Variants in DNM3 observed in about 807,000 individuals in gnomAD.
The protein encoded by DNM3 is dynamin 3.
Under a neutral mutation model 101.6 loss-of-function variants are expected in DNM3, and 47 were observed. The ratio of observed to expected loss-of-function variants is 0.46; its 90% CI spans 0.37 to 0.59. DNM3 has a LOEUF of 0.59. Ranked by LOEUF, DNM3 falls within the 20% of genes least tolerant of loss-of-function variation. The pLI is 0.00. For missense variants in DNM3, 849 were observed against 1,085.7 expected (o/e 0.78, Z 3.06); for synonymous variants, 385 against 387.9 (o/e 0.99, Z 0.09).
chr1:172,199,936 GA>G (rs143199495), intron 14 of DNM3, among the ~76,000 whole-genome samples: 38,368 of 151,914 alleles, frequency 0.25, 5,361 homozygotes, highest in Middle Eastern at 0.34. Context: ...GTGTGGATTT[GA>G]TCCTATTATT....
chr1:171,959,176 G>A (rs912941063), intron 2 of DNM3, among the ~76,000 whole-genome samples: 8 of 152,152 alleles, frequency 5.3e-5, no homozygotes, highest in African/African-American at 9.7e-5. Flanking sequence ...ACAGAAGGGG[G>A]AAGTATATGG....
intron 17 of DNM3, among the ~76,000 whole-genome samples, chr1:172,334,207 A>G (rs1030087320): frequency 2.0e-5 from 3 of 152,180 alleles, no homozygotes; most frequent in African/African-American, 7.2e-5. Context: ...CTGAATGGAT[A>G]CCACTTTTAT....
intron 14 of DNM3, among the ~76,000 whole-genome samples, chr1:172,182,243 G>A (rs917369711): frequency 1.3e-5 from 2 of 151,490 alleles, no homozygotes; most frequent in East Asian, 1.9e-4. Flanking sequence ...ACAAAAAAAC[G>A]ATTTCTCTAA....
At chr1:172,163,041 G>A (rs1233848709) in intron 14 of DNM3, among the ~76,000 whole-genome samples, 2 of 151,926 alleles carry the variant, frequency 1.3e-5, no homozygotes, top group East Asian at 3.9e-4. Context: ...AAGTATACTT[G>A]ACAAATAAAA....
At chr1:172,248,816 C>G (rs1469822256) in intron 14 of DNM3, among the ~76,000 whole-genome samples, 1 of 152,094 alleles carries the variant, frequency 6.6e-6, no homozygotes, top group African/African-American at 2.4e-5. Flanking sequence ...TTAATCAACA[C>G]CTGGCTTTGG....
At chr1:172,255,318 A>G (rs1003452446) in intron 15 of DNM3, among the ~76,000 whole-genome samples, 2 of 152,162 alleles carry the variant, frequency 1.3e-5, no homozygotes, top group Admixed American at 6.6e-5. Flanking sequence ...GCTCAGTACT[A>G]GTTTACATGC....
chr1:172,416,468 C>G (rs1018100119), downstream of DNM3, among the ~76,000 whole-genome samples: 1 of 152,134 alleles, frequency 6.6e-6, no homozygotes, highest in African/African-American at 2.4e-5. Flanking sequence ...AAAAAGCTGT[C>G]TGAGGATATA....
At chr1:172,144,773 G>T in intron 14 of DNM3, 1 of 331,352 alleles carries the variant, frequency 3.0e-6, no homozygotes. Flanking sequence ...GTGATTTCCA[G>T]TCTTGACGTG....
At chr1:172,134,957 G>T (rs756387789) in intron 14 of DNM3, among the ~76,000 whole-genome samples, 1 of 152,126 alleles carries the variant, frequency 6.6e-6, no homozygotes, top group Non-Finnish European at 1.5e-5. Context: ...TTTTAAGCTG[G>T]AGAGTCACAT....
intron 2 of DNM3, among the ~76,000 whole-genome samples, chr1:171,983,554 A>G (rs1279611180): frequency 6.6e-6 from 1 of 151,732 alleles, no homozygotes; most frequent in Non-Finnish European, 1.5e-5. Flanking sequence ...CTAAGTCTCC[A>G]TCTCCTGACC....
At chr1:172,279,902 A>G (rs977085575) in intron 15 of DNM3, among the ~76,000 whole-genome samples, 1 of 152,142 alleles carries the variant, frequency 6.6e-6, no homozygotes, top group Admixed American at 6.6e-5. Flanking sequence ...TTTTTAAAAA[A>G]TAGATCAGAT....
In DNM3 at chr1:172,387,552, G is replaced by A. The variant is rs530703755; in HGVS notation, c.2285+193G>A. On this transcript the variant is annotated intron_variant, in intron 19 of 20. Transcript: ENST00000627582. ...CGGGTGCCTGTAGTCCCAGCTACTC[G>A]GGAGGCTGAGGCAGGAGAATGGTGT... Among the ~76,000 whole-genome samples, 477 of 152,026 alleles carry A rather than the reference G, an allele frequency of 3.1e-3. 5 individuals carry two copies. The highest frequency in any genetic ancestry group is 0.011 in the African/African-American group (451 of 41,470).
chr1:172,324,215 A>G (rs1194092318), intron 17 of DNM3, among the ~76,000 whole-genome samples: 1 of 152,208 alleles, frequency 6.6e-6, no homozygotes, highest in East Asian at 1.9e-4. Context: ...TCACCCTACC[A>G]GGTGGCCCAC....
intron 1 of DNM3, among the ~76,000 whole-genome samples, chr1:171,844,755 A>G (rs2031808614): frequency 6.6e-6 from 1 of 152,236 alleles, no homozygotes; most frequent in African/African-American, 2.4e-5. Flanking sequence ...TTAAGATCTA[A>G]TGAATAGAAT....
chr1:172,133,247 G>A, intron 14 of DNM3: 1 of 1,094,104 alleles, frequency 9.1e-7, no homozygotes, highest in Non-Finnish European at 1.1e-6. Context: ...AAGAAGCTTT[G>A]AAGGCTTGGT....
chr1:172,037,786 G>A (rs2049078192), intron 6 of DNM3, among the ~76,000 whole-genome samples: 1 of 152,180 alleles, frequency 6.6e-6, no homozygotes, highest in Non-Finnish European at 1.5e-5. Context: ...TCTAGAGATG[G>A]AAGTATGAGT....
intron 1 of DNM3, among the ~76,000 whole-genome samples, chr1:171,847,473 A>C (rs540955656): frequency 7.1e-4 from 108 of 152,272 alleles, no homozygotes; most frequent in African/African-American, 2.5e-3. Context: ...CATTGAATTT[A>C]GACTGTGACT....
chr1:172,295,143 A>G (rs2064104731), intron 15 of DNM3, among the ~76,000 whole-genome samples: 1 of 152,210 alleles, frequency 6.6e-6, no homozygotes, highest in Non-Finnish European at 1.5e-5. Context: ...AGGCCAAACA[A>G]GAAGACAACC....
chr1:172,024,681 A>T (rs548682256), intron 4 of DNM3, among the ~76,000 whole-genome samples: 1 of 152,266 alleles, frequency 6.6e-6, no homozygotes, highest in Admixed American at 6.5e-5. Flanking sequence ...GTGTTGCCTC[A>T]CCTGGGAAGC....
Sources: gnomAD v4.1 joint callset for allele counts (sites outside exome capture counted in the v4.1 genomes callset) on GRCh38, gnomAD v4.1.1 for gene constraint, MANE v1.5 for transcripts, NCBI Gene and HGNC (gene_info 2026-07-23, HGNC 2026-07-21) for gene names.